The following FHIT variants were observed in gnomAD, a reference collection of about 807,000 sequenced individuals.
FHIT encodes the protein fragile histidine triad diadenosine triphosphatase.
In FHIT, 19 loss-of-function variants were observed where a neutral mutation model predicts 17.9. That is an observed-to-expected ratio of 1.06 (90% confidence interval 0.74 to 1.56). The LOEUF (loss-of-function observed/expected upper bound fraction) is 1.56. FHIT is among the 40% of genes most tolerant of loss of function. FHIT has a pLI of 0.00. For synonymous variants in FHIT, 81 were observed against 69.7 expected (o/e 1.16, Z -0.81); for missense variants, 248 against 189.2 (o/e 1.31, Z -1.82).
intron 8 of FHIT, among the ~76,000 whole-genome samples, chr3:59,880,890 C>T (rs889387609): frequency 6.6e-6 from 1 of 152,120 alleles, no homozygotes; most frequent in Non-Finnish European, 1.5e-5. Flanking sequence ...TCTCAGACTA[C>T]ATGGAATGAA....
At chr3:59,973,602 T>C (rs1708281707) in intron 7 of FHIT, among the ~76,000 whole-genome samples, 2 of 152,140 alleles carry the variant, frequency 1.3e-5, no homozygotes, top group African/African-American at 4.8e-5. Flanking sequence ...AGCATAAAGA[T>C]GTAATTTTAA....
rs148883721 is a variant in FHIT, at chr3:60,284,271, T to C, written c.103+252589A>G. Among the ~76,000 whole-genome samples, 1,027 of 152,300 alleles carry C rather than the reference T, an allele frequency of 6.7e-3. 9 individuals are homozygous for C. The highest frequency in any genetic ancestry group is 0.023 in the African/African-American group (975 of 41,584). On this transcript the variant is annotated intron_variant, in intron 5 of 9. Coordinates refer to ENST00000492590, the MANE Select transcript of FHIT (RefSeq NM_002012.4). ...AATCGTAACAGTACAATGTGTGACA[T>C]TGGCAAATGGTAAATGTAAAGACAA...
intron 3 of FHIT, among the ~76,000 whole-genome samples, chr3:60,826,249 C>G (rs541270561): frequency 6.6e-5 from 10 of 152,022 alleles, no homozygotes; most frequent in Non-Finnish European, 1.5e-4. Flanking sequence ...CTGGACTGCA[C>G]TTAAGCTAAT....
intron 5 of FHIT, among the ~76,000 whole-genome samples, chr3:60,017,815 T>C (rs1043158041): frequency 6.6e-6 from 1 of 152,132 alleles, no homozygotes; most frequent in Non-Finnish European, 1.5e-5. Flanking sequence ...ATACACACAA[T>C]GAAAGAAAGA....
intron 8 of FHIT, among the ~76,000 whole-genome samples, chr3:59,868,762 G>A (rs1158370246): frequency 6.6e-6 from 1 of 152,176 alleles, no homozygotes; most frequent in Non-Finnish European, 1.5e-5. Flanking sequence ...GTGGTGGCTG[G>A]AGGAGGAAGT....
chr3:60,713,301 A>G (rs2041590740), intron 4 of FHIT, among the ~76,000 whole-genome samples: 1 of 151,152 alleles, frequency 6.6e-6, no homozygotes, highest in African/African-American at 2.4e-5. Flanking sequence ...AATTTATAGC[A>G]CTAAATGCCC....
intron 5 of FHIT, among the ~76,000 whole-genome samples, chr3:60,440,278 A>G (rs1030735749): frequency 1.4e-4 from 21 of 151,924 alleles, no homozygotes; most frequent in African/African-American, 4.4e-4. Flanking sequence ...TTTTCTCCCA[A>G]TCAGGGAAAT....
At chr3:59,962,069 G>T (rs1005434154) in intron 7 of FHIT, among the ~76,000 whole-genome samples, 11 of 152,252 alleles carry the variant, frequency 7.2e-5, no homozygotes, top group African/African-American at 2.6e-4. Context: ...TTCGATTAAA[G>T]AAATGAACAC....
At chr3:60,802,248 T>TTA (rs1553732527) in intron 4 of FHIT, among the ~76,000 whole-genome samples, 1 of 152,200 alleles carries the variant, frequency 6.6e-6, no homozygotes, top group East Asian at 1.9e-4. Flanking sequence ...TGACAATCTA[T>TTA]TAGTTTACCA....
At chr3:61,127,062 C>T (rs2036627880) in intron 2 of FHIT, among the ~76,000 whole-genome samples, 1 of 152,180 alleles carries the variant, frequency 6.6e-6, no homozygotes, top group Admixed American at 6.5e-5. Flanking sequence ...ATCATAGTTG[C>T]CATCTCTTCT....
intron 7 of FHIT, among the ~76,000 whole-genome samples, chr3:59,975,520 T>C (rs981842282): frequency 6.6e-6 from 1 of 152,106 alleles, no homozygotes; most frequent in Non-Finnish European, 1.5e-5. Flanking sequence ...TTATAATTAT[T>C]AACTATTAAA....
intron 2 of FHIT, among the ~76,000 whole-genome samples, chr3:61,100,773 C>A (rs2035794956): frequency 6.6e-6 from 1 of 152,230 alleles, no homozygotes; most frequent in African/African-American, 2.4e-5. Flanking sequence ...AAGATCGTAT[C>A]TCATCGTGGT....
At chr3:60,965,215 G>A (rs550918075) in intron 3 of FHIT, among the ~76,000 whole-genome samples, 2 of 151,914 alleles carry the variant, frequency 1.3e-5, no homozygotes, top group African/African-American at 4.8e-5. Context: ...TCTTCCACTT[G>A]ATCGAATTGG....
At chr3:61,198,089 A>G (rs551173416) in intron 2 of FHIT, among the ~76,000 whole-genome samples, 2 of 152,200 alleles carry the variant, frequency 1.3e-5, no homozygotes, top group South Asian at 4.1e-4. Context: ...CAAACATACC[A>G]TATTTATTCC....
At chr3:60,562,688 T>C (rs2036994534) in intron 4 of FHIT, among the ~76,000 whole-genome samples, 1 of 152,166 alleles carries the variant, frequency 6.6e-6, no homozygotes, top group African/African-American at 2.4e-5. Context: ...TCAGCTCCAC[T>C]CCAGATGTAA....
intron 5 of FHIT, among the ~76,000 whole-genome samples, chr3:60,493,491 T>C (rs990840782): frequency 1.2e-4 from 18 of 152,286 alleles, no homozygotes; most frequent in African/African-American, 4.1e-4. Flanking sequence ...CAACAAGCAA[T>C]AGTCCCACTA....
chr3:59,872,488 T>C (rs764679554), intron 8 of FHIT, among the ~76,000 whole-genome samples: 1 of 152,226 alleles, frequency 6.6e-6, no homozygotes, highest in African/African-American at 2.4e-5. Flanking sequence ...GAAAATTCAC[T>C]GCATAATTGA....
At chr3:60,974,801 C>T (rs1710166811) in intron 3 of FHIT, among the ~76,000 whole-genome samples, 1 of 152,148 alleles carries the variant, frequency 6.6e-6, no homozygotes, top group Non-Finnish European at 1.5e-5. Flanking sequence ...CCTACATTTA[C>T]AGGATGCCCA....
At chr3:60,551,680 C>A (rs1279645272) in intron 4 of FHIT, among the ~76,000 whole-genome samples, 1 of 146,028 alleles carries the variant, frequency 6.8e-6, no homozygotes, top group Admixed American at 6.9e-5. Flanking sequence ...AATGCCTGAG[C>A]CTGGGAAGTT....
Sources: allele counts gnomAD v4.1 joint callset (sites outside exome capture counted in the v4.1 genomes callset), GRCh38; gene constraint gnomAD v4.1.1; transcripts MANE v1.5; gene names NCBI Gene and HGNC (gene_info 2026-07-23, HGNC 2026-07-21).